Variants in CACNA1D observed in about 807,000 individuals in gnomAD.
CACNA1D encodes calcium voltage-gated channel subunit alpha1 D, also known as voltage-dependent L-type calcium channel subunit alpha-1D.
In CACNA1D, 55 loss-of-function variants were observed where a neutral mutation model predicts 257.1. That is an observed-to-expected ratio of 0.21 (90% confidence interval 0.17 to 0.27). CACNA1D has a LOEUF of 0.27. CACNA1D is among the 10% of genes least tolerant of loss of function. The probability of loss-of-function intolerance (pLI) is 1.00; values close to 1 mark genes in which losing one functional copy is unlikely to be tolerated. For missense variants in CACNA1D, 1,876 were observed against 2,784.0 expected (o/e 0.67, Z 7.34); for synonymous variants, 980 against 1,014.9 (o/e 0.97, Z 0.65).
Position 53,770,618 on chromosome 3 carries a change from C to T in CACNA1D, c.4044+66C>T. The T allele has an allele frequency of 5.9e-6, 9 of 1,520,838 alleles. 1 individual carries two copies. In the South Asian group the frequency reaches 1.0e-4, roughly 17 times the overall value. 94.2% of individuals were successfully genotyped at this position (1,520,838 alleles called of 1,614,324 possible). ...ATCATATGTAAGTCAGTGATTGTCC[C>T]CATCCTAGAGGACCCAGGCTCCCCC... On this transcript the variant is annotated intron_variant, in intron 32 of 47. Transcript: ENST00000350061.
chr3:53,620,046 T>A (rs2093678994), intron 3 of CACNA1D, among the ~76,000 whole-genome samples: 1 of 152,140 alleles, frequency 6.6e-6, no homozygotes, highest in South Asian at 2.1e-4. Flanking sequence ...AAAAATTAAA[T>A]AGCAATGTAA....
At chr3:53,516,473 G>T (rs374337310) in intron 3 of CACNA1D, among the ~76,000 whole-genome samples, 2 of 152,212 alleles carry the variant, frequency 1.3e-5, no homozygotes, top group African/African-American at 4.8e-5. Flanking sequence ...ATAGCTCAGG[G>T]CTCACCCACA....
Position 53,810,089 on chromosome 3 carries a change from C to T in CACNA1D, c.5983C>T (p.Pro1995Ser). 6.2e-7 allele frequency: 1 copy of T among 1,614,006 alleles called. No homozygotes were observed. The highest frequency in any genetic ancestry group is 8.5e-7 in the Non-Finnish European group (1 of 1,180,026). Residue 1995 changes from proline (P) to serine (S), a missense_variant, in exon 47 of 48, where the codon CCG (proline) becomes TCG (serine). Around this residue, in one of 10 missense-constraint regions of CACNA1D, gnomAD observed 491 missense variants for 554.3 expected, o/e 0.89. Transcript: ENST00000350061. ...PATPPYRDWT[P>S]CYTPLIQVEQ... ...AACCCCTCCCTACCGGGACTGGACA[C>T]CGTGCTACACCCCCCTGATCCAAGT... is the stretch of plus-strand genomic sequence containing the variant.
intron 2 of CACNA1D, among the ~76,000 whole-genome samples, chr3:53,497,692 G>A (rs2090411038): frequency 6.6e-6 from 1 of 152,160 alleles, no homozygotes; most frequent in African/African-American, 2.4e-5. Flanking sequence ...AGTAGTAGTA[G>A]GGGGAGGGAG....
chr3:53,496,697 C>G (rs2090365517), intron 1 of CACNA1D, among the ~76,000 whole-genome samples: 1 of 151,892 alleles, frequency 6.6e-6, no homozygotes, highest in Non-Finnish European at 1.5e-5. Flanking sequence ...ATGATTAAGA[C>G]TATTGAATTA....
intron 9 of CACNA1D, among the ~76,000 whole-genome samples, chr3:53,707,280 C>G (rs899478301): frequency 6.6e-6 from 1 of 152,040 alleles, no homozygotes; most frequent in Non-Finnish European, 1.5e-5. Context: ...CTTGATTAAT[C>G]TTGGGGTGGG....
At position 53,723,794 on chromosome 3, in the gene CACNA1D, A is replaced by G; in HGVS notation, c.1895A>G (p.His632Arg). The G allele has an allele frequency of 1.2e-6, 2 of 1,613,378 alleles. No homozygotes were observed. Among genetic ancestry groups the G allele is most frequent in the Non-Finnish European group, 8.5e-7 (1 of 1,179,304 alleles). Residue 632 changes from histidine (H) to arginine (R), a missense_variant and splice_region_variant, in exon 14 of 48, where the codon CAC (histidine) becomes CGC (arginine). By Grantham distance (29) the His-to-Arg change is conservative. Transcript: ENST00000350061. The surrounding 1 kb of genome is among the most constrained non-coding windows in gnomAD (Gnocchi z 5.6). ...GACACCCTCATCTTGACTTATAGGC[A>G]CTGGACTTCCCTGAGCAACTTAGTG... ...RLLRIFKVTR[H>R]WTSLSNLVAS... is the part of the protein sequence containing the mutation.
rs1325536642 is a variant in CACNA1D at position 53,718,732 on chromosome 3, G to T, written c.1478+344G>T. ...GCCAAGGCGGGGCCCTCTGGGTGTC[G>T]GCGGTGGGGGTAAAGGCCTGATTCT... On this transcript the variant is annotated intron_variant, in intron 10 of 47. Transcript: ENST00000350061. 1.2e-5 allele frequency: 18 copies of T among 1,555,548 alleles called. No homozygotes were observed. Among genetic ancestry groups the T allele is most frequent in the Non-Finnish European group, 1.6e-5 (18 of 1,150,126 alleles).
chr3:53,540,318 GT>G (rs2092264022), intron 3 of CACNA1D, among the ~76,000 whole-genome samples: 2 of 151,012 alleles, frequency 1.3e-5, no homozygotes, highest in Non-Finnish European at 2.9e-5. Context: ...TAGAGACAGG[GT>G]TTCACCATGT....
Position 53,810,097 on chromosome 3 carries a change from C to T in CACNA1D, c.5991C>T (p.Tyr1997=). 6.2e-7 allele frequency: 1 copy of T among 1,614,014 alleles called. No individual in the cohort carries two copies. The change falls in exon 47 of 48, where the codon TAC becomes TAT. Residue 1997 remains tyrosine (Y), a synonymous_variant. Coordinates refer to ENST00000350061, the MANE Select transcript of CACNA1D (RefSeq NM_001128840.3). ...TPPYRDWTPC[Y]TPLIQVEQSE... is the part of the protein sequence containing the mutation. ...CCTACCGGGACTGGACACCGTGCTA[C>T]ACCCCCCTGATCCAAGTGGAGCAGT... is the stretch of plus-strand genomic sequence containing the variant.
intron 3 of CACNA1D, among the ~76,000 whole-genome samples, chr3:53,588,388 G>C (rs1303080208): frequency 6.6e-6 from 1 of 152,218 alleles, no homozygotes; most frequent in Non-Finnish European, 1.5e-5. Flanking sequence ...GTGGCCTGGG[G>C]CTGGTAGATC....
At chr3:53,760,719 A>T (rs1042027542) in intron 29 of CACNA1D, among the ~76,000 whole-genome samples, 7 of 152,224 alleles carry the variant, frequency 4.6e-5, no homozygotes, top group Non-Finnish European at 7.3e-5. Flanking sequence ...ATTTTAAGTT[A>T]CAATTGTGGG....
At chr3:53,637,561 G>A (rs2093899395) in intron 3 of CACNA1D, among the ~76,000 whole-genome samples, 1 of 152,082 alleles carries the variant, frequency 6.6e-6, no homozygotes, top group South Asian at 2.1e-4. Context: ...AACTCCTCTT[G>A]GAGCCACCAG....
chr3:53,641,551 G>C (rs1181431682), intron 3 of CACNA1D, among the ~76,000 whole-genome samples: 3 of 152,266 alleles, frequency 2.0e-5, no homozygotes, highest in South Asian at 2.1e-4. Context: ...AGATGGGATG[G>C]AAGTGGGCAG....
chr3:53,806,005 C>CCCT (rs2095563145), intron 45 of CACNA1D, among the ~76,000 whole-genome samples: 1 of 136,044 alleles, frequency 7.4e-6, no homozygotes, highest in East Asian at 2.4e-4. Context: ...CCCTCATCTT[C>CCCT]CCTCCTCCTC....
At chr3:53,515,840 T>A (rs550581578) in intron 3 of CACNA1D, among the ~76,000 whole-genome samples, 1 of 152,358 alleles carries the variant, frequency 6.6e-6, no homozygotes, top group African/African-American at 2.4e-5. Flanking sequence ...GAACCCTCTG[T>A]GAACAACAGA....
At position 53,776,500 on chromosome 3, in the gene CACNA1D, A is replaced by G. The variant is rs2095398129; in HGVS notation, c.4363-103A>G. ...AGTTTTTACAACTTCTCTTGGAGACATGGGTTCCCATGTTTCATGTCCATG... is the reference window on the plus strand; with the variant it reads ...AGTTTTTACAACTTCTCTTGGAGACGTGGGTTCCCATGTTTCATGTCCATG... On this transcript the variant is annotated intron_variant, in intron 35 of 47. Coordinates refer to ENST00000350061, the MANE Select transcript of CACNA1D (RefSeq NM_001128840.3). 48 of 1,382,364 alleles carry G rather than the reference A, an allele frequency of 3.5e-5. No individual in the cohort carries two copies. In the South Asian group the frequency reaches 5.1e-4, roughly 15 times the overall value. The allele number at this position is 1,382,364 out of a possible 1,614,324, so 85.6% of individuals were successfully genotyped here. A position where few individuals can be genotyped will look rare whatever the true frequency, so the allele number is the denominator to read the frequency against.
chr3:53,622,341 C>T (rs1004126192), intron 3 of CACNA1D, among the ~76,000 whole-genome samples: 11 of 152,132 alleles, frequency 7.2e-5, no homozygotes, highest in Admixed American at 2.0e-4. Flanking sequence ...CAATTTTATT[C>T]GTAGGTATTT....
intron 10 of CACNA1D, 162 bp downstream of exon 10, chr3:53,718,550 G>A (rs2094845280): frequency 9.6e-7 from 1 of 1,045,038 alleles, no homozygotes; most frequent in Admixed American, 2.0e-5. Flanking sequence ...CCTGTGCCAG[G>A]GCTATCCCTC....
Sources: allele counts gnomAD v4.1 joint callset (sites outside exome capture counted in the v4.1 genomes callset), GRCh38; gene constraint gnomAD v4.1.1; regional missense constraint gnomAD v4.1.1; non-coding constraint Gnocchi (gnomAD v3.1); transcripts MANE v1.5; gene names NCBI Gene and HGNC (gene_info 2026-07-23, HGNC 2026-07-21).